Variants in TSHZ2 observed in about 807,000 individuals in gnomAD.
TSHZ2 encodes the protein teashirt zinc finger homeobox 2, also known as teashirt homolog 2.
A neutral mutation model predicts 74.4 loss-of-function variants in TSHZ2; 21 were observed. The ratio of observed to expected loss-of-function variants is 0.28; its 90% CI spans 0.20 to 0.41. The LOEUF is 0.41. Among genes scored for constraint, TSHZ2 ranks in the 10% least tolerant of loss-of-function variants. The pLI is 1.00. For synonymous variants in TSHZ2, 540 were observed against 515.3 expected (o/e 1.05, Z -0.65); for missense variants, 1,244 against 1,293.5 (o/e 0.96, Z 0.59).
At chr20:53,281,617 G>C (rs1010513329) in intron 2 of TSHZ2, among the ~76,000 whole-genome samples, 1 of 152,216 alleles carries the variant, frequency 6.6e-6, no homozygotes, top group Non-Finnish European at 1.5e-5. Context: ...GTAGGATAGT[G>C]TCTCATGTGG....
chr20:53,197,130 T>C (rs1490582788), intron 1 of TSHZ2, among the ~76,000 whole-genome samples: 2 of 152,382 alleles, frequency 1.3e-5, no homozygotes, highest in African/African-American at 4.8e-5. Flanking sequence ...TATATACTTT[T>C]AGCAGTTTGT....
intron 1 of TSHZ2, among the ~76,000 whole-genome samples, chr20:53,011,739 C>G (rs1421977704): frequency 6.6e-6 from 1 of 152,068 alleles, no homozygotes; most frequent in Non-Finnish European, 1.5e-5. Flanking sequence ...TAAAATCTCC[C>G]CAGAGTCAGT....
chr20:53,436,110 T>G (rs1291238699), intron 2 of TSHZ2, among the ~76,000 whole-genome samples: 1 of 149,844 alleles, frequency 6.7e-6, no homozygotes, highest in East Asian at 2.0e-4. Context: ...GAGTGAGCAC[T>G]CAGTGATGGT....
In TSHZ2 at chr20:53,464,073, G is replaced by A. The variant is rs143422353; in HGVS notation, c.*9-23071G>A. Among the ~76,000 whole-genome samples, 4 of 152,258 alleles carry A rather than the reference G, an allele frequency of 2.6e-5. No homozygotes were observed. The East Asian group carries it at 7.7e-4, about 29-fold the overall frequency. On this transcript the variant is annotated intron_variant, in intron 2 of 2. Coordinates refer to ENST00000371497, the MANE Select transcript of TSHZ2 (RefSeq NM_173485.6). ...GAAGACCCTTTACTTTCATTCTGAT[G>A]ATTCTATCAAGGTAGAGCAATGGGC...
At chr20:53,211,210 C>A (rs970044674) in intron 1 of TSHZ2, among the ~76,000 whole-genome samples, 1 of 152,120 alleles carries the variant, frequency 6.6e-6, no homozygotes, top group African/African-American at 2.4e-5. Flanking sequence ...AGGAAACAGG[C>A]CCAGAGACTT....
At chr20:53,003,457 C>T (rs1982519525) in intron 1 of TSHZ2, among the ~76,000 whole-genome samples, 1 of 152,042 alleles carries the variant, frequency 6.6e-6, no homozygotes, top group South Asian at 2.1e-4. Context: ...CCTTAGTGAT[C>T]GGCTTACACG....
chr20:53,287,071 A>G (rs1019326582), intron 2 of TSHZ2, among the ~76,000 whole-genome samples: 4 of 152,218 alleles, frequency 2.6e-5, no homozygotes, highest in South Asian at 4.1e-4. Context: ...GTGATGGGAA[A>G]GATACAGGTG....
rs145229388 is a variant in TSHZ2, at chr20:53,030,666, GTTTC to G, written c.40+57336_40+57339del. Among the ~76,000 whole-genome samples, 1,390 of 152,254 alleles carry G rather than the reference GTTTC, an allele frequency of 9.1e-3. 13 individuals carry two copies. Among genetic ancestry groups the G allele is most frequent in the African/African-American group, 0.029 (1,218 of 41,540 alleles). ...GTGTCTCTGAAATAAAAATACCTTT[GTTTC>G]TTCTGGCTATAAAAGGAATACACAT... On this transcript the variant is annotated intron_variant, in intron 1 of 2. Coordinates refer to ENST00000371497, the MANE Select transcript of TSHZ2 (RefSeq NM_173485.6).
intron 2 of TSHZ2, among the ~76,000 whole-genome samples, chr20:53,286,627 G>A (rs905263490): frequency 1.3e-5 from 2 of 152,126 alleles, no homozygotes; most frequent in Non-Finnish European, 1.5e-5. Context: ...GCTCACACCT[G>A]TAATCCCAGC....
intron 1 of TSHZ2, among the ~76,000 whole-genome samples, chr20:53,241,350 C>G (rs1355131964): frequency 6.6e-6 from 1 of 152,120 alleles, no homozygotes; most frequent in Non-Finnish European, 1.5e-5. Flanking sequence ...TAATTTGGCT[C>G]ATTTAAAAGC....
At chr20:53,394,425 A>C (rs1485939698) in intron 2 of TSHZ2, among the ~76,000 whole-genome samples, 1 of 152,242 alleles carries the variant, frequency 6.6e-6, no homozygotes, top group African/African-American at 2.4e-5. Flanking sequence ...AAACTGGCTT[A>C]AGGTTGCTAC....
intron 2 of TSHZ2, among the ~76,000 whole-genome samples, chr20:53,409,839 T>C (rs75042288): frequency 1.8e-5 from 2 of 112,806 alleles, no homozygotes; most frequent in African/African-American, 3.5e-5. Flanking sequence ...CTTTTCTTTT[T>C]TTTTTTTTTT....
intron 2 of TSHZ2, among the ~76,000 whole-genome samples, chr20:53,404,411 GTAAT>G (rs1420454282): frequency 6.6e-6 from 1 of 152,190 alleles, no homozygotes; most frequent in Non-Finnish European, 1.5e-5. Flanking sequence ...ATTACAGGGT[GTAAT>G]TACTTTTCTT....
chr20:53,124,204 CGG>C (rs1986886794), intron 1 of TSHZ2, among the ~76,000 whole-genome samples: 1 of 152,150 alleles, frequency 6.6e-6, no homozygotes, highest in African/African-American at 2.4e-5. Flanking sequence ...TTTCCTGGGC[CGG>C]CCCTTCACTA....
intron 2 of TSHZ2, among the ~76,000 whole-genome samples, chr20:53,277,486 G>A (rs1600784882): frequency 6.6e-6 from 1 of 151,476 alleles, no homozygotes; most frequent in East Asian, 1.9e-4. Context: ...GAATATAACA[G>A]CTCATCCAAG....
intron 2 of TSHZ2, among the ~76,000 whole-genome samples, chr20:53,478,986 G>A (rs1986072758): frequency 6.6e-6 from 1 of 152,034 alleles, no homozygotes; most frequent in Non-Finnish European, 1.5e-5. Context: ...TCAACATGGT[G>A]AAACCCCATC....
chr20:53,206,775 T>C (rs1179003405), intron 1 of TSHZ2, among the ~76,000 whole-genome samples: 1 of 152,240 alleles, frequency 6.6e-6, no homozygotes, highest in Non-Finnish European at 1.5e-5. Context: ...CTCCCTGCCC[T>C]GGAAAGATTC....
chr20:53,432,833 C>T (rs1172912395), intron 2 of TSHZ2, among the ~76,000 whole-genome samples: 1 of 152,138 alleles, frequency 6.6e-6, no homozygotes. Flanking sequence ...GGCAGCTTTA[C>T]TTATAGTGAT....
chr20:53,203,776 C>T (rs1162634370), intron 1 of TSHZ2, among the ~76,000 whole-genome samples: 1 of 152,042 alleles, frequency 6.6e-6, no homozygotes, highest in Admixed American at 6.6e-5. Context: ...TGTTTTAAAA[C>T]TGCATGTCCC....
Sources: gnomAD v4.1 joint callset for allele counts (sites outside exome capture counted in the v4.1 genomes callset) on GRCh38, gnomAD v4.1.1 for gene constraint, MANE v1.5 for transcripts, NCBI Gene and HGNC (gene_info 2026-07-23, HGNC 2026-07-21) for gene names.